Variants in DGKH observed in about 807,000 individuals in gnomAD.
The protein encoded by DGKH is DAG kinase eta.
In DGKH, 90 loss-of-function variants were observed where a neutral mutation model predicts 159.3. The observed-to-expected ratio is 0.57, with a 90% CI of 0.48 to 0.67. The LOEUF (loss-of-function observed/expected upper bound fraction) is 0.67, where lower values mean the gene tolerates loss of function less well. DGKH is among the 30% of genes least tolerant of loss of function. DGKH has a pLI of 0.00. For synonymous variants in DGKH, 536 were observed against 553.8 expected (o/e 0.97, Z 0.45); for missense variants, 1,181 against 1,506.1 (o/e 0.78, Z 3.57).
chr13:42,197,267 A>AAAAAAAAAAAG (rs922365530), intron 17 of DGKH, among the ~76,000 whole-genome samples: 171 of 135,266 alleles, frequency 1.3e-3, no homozygotes, highest in East Asian at 7.7e-3. Flanking sequence ...AAAAAAAAAA[A>AAAAAAAAAAAG]AAAGAAAGAA....
intron 1 of DGKH, among the ~76,000 whole-genome samples, chr13:42,117,699 T>C (rs1026009482): frequency 6.6e-6 from 1 of 152,034 alleles, no homozygotes; most frequent in Non-Finnish European, 1.5e-5. Flanking sequence ...AGGAGATTAA[T>C]ACATGCTTAT....
At chr13:42,251,198 G>A (rs766412351) in intron 29 of DGKH, among the ~76,000 whole-genome samples, 4 of 152,020 alleles carry the variant, frequency 2.6e-5, no homozygotes, top group East Asian at 1.9e-4. Flanking sequence ...TGTATTGGCC[G>A]GGCACAGTGG....
chr13:42,138,259 A>C (rs1457044135), intron 3 of DGKH: 2 of 255,656 alleles, frequency 7.8e-6, no homozygotes, highest in Non-Finnish European at 1.2e-5. Context: ...GCTGGGCACT[A>C]TGCTAGACAC....
chr13:42,119,620 G>A (rs1955028915), intron 1 of DGKH, among the ~76,000 whole-genome samples: 1 of 152,090 alleles, frequency 6.6e-6, no homozygotes, highest in South Asian at 2.1e-4. Flanking sequence ...GACTTTCTGG[G>A]ATATTTAAGA....
intron 21 of DGKH, among the ~76,000 whole-genome samples, chr13:42,207,001 TTC>T (rs1407051800): frequency 7.1e-6 from 1 of 141,132 alleles, no homozygotes; most frequent in Admixed American, 7.4e-5. Flanking sequence ...CTTTCTTTCT[TTC>T]TTTCTTTCTT....
At chr13:42,165,194 A>G in intron 7 of DGKH, 137 bp from the exon 8 acceptor site, 1 of 460,494 alleles carries the variant, frequency 2.2e-6, no homozygotes, top group Non-Finnish European at 3.8e-6. Context: ...TATAAATGTT[A>G]TACCATTTAA....
chr13:42,121,635 C>A (rs1307850109), intron 1 of DGKH, among the ~76,000 whole-genome samples: 2 of 152,230 alleles, frequency 1.3e-5, no homozygotes, highest in Non-Finnish European at 1.5e-5. Flanking sequence ...CCTTCCTGTT[C>A]ATTTTTCTGC....
At chr13:42,105,190 T>C (rs1954724665) in intron 1 of DGKH, among the ~76,000 whole-genome samples, 1 of 152,098 alleles carries the variant, frequency 6.6e-6, no homozygotes, top group Non-Finnish European at 1.5e-5. Flanking sequence ...GGGGCTGGCA[T>C]CTTGTAAGGA....
intron 1 of DGKH, among the ~76,000 whole-genome samples, chr13:42,105,366 C>A (rs1954728050): frequency 6.6e-6 from 1 of 152,192 alleles, no homozygotes; most frequent in African/African-American, 2.4e-5. Context: ...GGCAGAGCCC[C>A]TGTGACCCAG....
At chr13:42,181,554 C>T in intron 13 of DGKH, 1 of 236,444 alleles carries the variant, frequency 4.2e-6, no homozygotes. Flanking sequence ...GGGAACACTC[C>T]AGAAACTGTT....
intron 3 of DGKH, among the ~76,000 whole-genome samples, chr13:42,136,422 T>C (rs1190485904): frequency 2.6e-5 from 4 of 152,240 alleles, no homozygotes; most frequent in Non-Finnish European, 5.9e-5. Flanking sequence ...AAAGAAGAGC[T>C]ATTTAATGAT....
At chr13:42,218,665 T>G (rs1452254556) in intron 26 of DGKH, among the ~76,000 whole-genome samples, 5 of 152,062 alleles carry the variant, frequency 3.3e-5, no homozygotes, top group Non-Finnish European at 7.4e-5. Context: ...CCCAACACCA[T>G]GCCTAACTAA....
At chr13:42,244,269 G>T (rs931524783), downstream of DGKH, among the ~76,000 whole-genome samples, 2 of 152,130 alleles carry the variant, frequency 1.3e-5, no homozygotes, top group Non-Finnish European at 2.9e-5. Flanking sequence ...AGATCCTTAG[G>T]AACTTAGAAA....
At chr13:42,131,373 C>G (rs1955286635) in intron 3 of DGKH, among the ~76,000 whole-genome samples, 6 of 152,160 alleles carry the variant, frequency 3.9e-5, no homozygotes, top group Admixed American at 3.3e-4. Context: ...ACTGATGAAG[C>G]ATGATTGCTG....
At position 42,173,482 on chromosome 13, in the gene DGKH, ACT is replaced by A. The variant is rs144138618; in HGVS notation, c.1368-574_1368-573del. On this transcript the variant is annotated intron_variant, in intron 11 of 29. Transcript: ENST00000337343. ...TAAGTATTATTAATATTTTCCCCCT[ACT>A]CTCATGCTTACATTCATTATTTCTT... Among the ~76,000 whole-genome samples the A allele has an allele frequency of 5.4e-3, 819 of 151,914 alleles. 10 individuals carry two copies. The highest frequency in any genetic ancestry group is 0.019 in the African/African-American group (784 of 41,388).
chr13:42,111,911 T>G (rs1374654266), intron 1 of DGKH, among the ~76,000 whole-genome samples: 1 of 152,086 alleles, frequency 6.6e-6, no homozygotes, highest in Non-Finnish European at 1.5e-5. Context: ...GGAAAGCCAT[T>G]TTTTTTATAC....
At chr13:42,086,077 C>T (rs1358710693) in intron 1 of DGKH, among the ~76,000 whole-genome samples, 1 of 152,018 alleles carries the variant, frequency 6.6e-6, no homozygotes, top group African/African-American at 2.4e-5. Context: ...ACCACTACAC[C>T]CACCTAATTT....
chr13:42,108,560 T>C (rs1392012262), intron 1 of DGKH, among the ~76,000 whole-genome samples: 1 of 152,238 alleles, frequency 6.6e-6, no homozygotes, highest in Non-Finnish European at 1.5e-5. Flanking sequence ...GTGTCTTTTC[T>C]ATTAAACTAA....
chr13:42,050,091 C>T (rs1266369708), intron 1 of DGKH, among the ~76,000 whole-genome samples: 1 of 152,182 alleles, frequency 6.6e-6, no homozygotes, highest in Non-Finnish European at 1.5e-5. Context: ...CCTGTGGAGG[C>T]CGGTAACGGT....
Sources: allele counts gnomAD v4.1 joint callset (sites outside exome capture counted in the v4.1 genomes callset), GRCh38; gene constraint gnomAD v4.1.1; transcripts MANE v1.5; gene names NCBI Gene and HGNC (gene_info 2026-07-23, HGNC 2026-07-21).